The following MEIS2 variants were observed in gnomAD, a reference collection of about 807,000 sequenced individuals.
MEIS2 encodes homeobox protein Meis2.
Under a neutral mutation model 58.6 loss-of-function variants are expected in MEIS2, and 9 were observed. The observed-to-expected ratio is 0.15, with a 90% CI of 0.09 to 0.27. The LOEUF is 0.27. Ranked by LOEUF, MEIS2 falls within the 10% of genes least tolerant of loss-of-function variation. MEIS2 has a pLI of 1.00. For missense variants in MEIS2, 427 were observed against 635.0 expected, an observed-to-expected ratio of 0.67 and a Z score of 3.52; for synonymous variants, 221 against 228.4, an observed-to-expected ratio of 0.97 and a Z score of 0.29.
At chr15:37,096,453 GAC>G (rs749061478) in intron 2 of MEIS2, 23 bp from the exon 3 acceptor site, 9 of 1,609,134 alleles carry the variant, frequency 5.6e-6, no homozygotes, top group East Asian at 2.2e-5. Context: ...GCCACGCAGA[GAC>G]ACACACACAG....
At chr15:37,095,935 G>T in intron 3 of MEIS2, 1 of 451,246 alleles carries the variant, frequency 2.2e-6, no homozygotes, top group Non-Finnish European at 4.0e-6. Context: ...TCGGAGAGGC[G>T]CCCAGCTTCC....
At chr15:36,893,469 T>TA (rs2055995615) in intron 11 of MEIS2, among the ~76,000 whole-genome samples, 1 of 152,230 alleles carries the variant, frequency 6.6e-6, no homozygotes, top group South Asian at 2.1e-4. Flanking sequence ...ACAGCCTGCA[T>TA]AGTCCCAGCT....
At chr15:36,919,713 G>T (rs1027057204) in intron 9 of MEIS2, among the ~76,000 whole-genome samples, 3 of 152,146 alleles carry the variant, frequency 2.0e-5, no homozygotes, top group Non-Finnish European at 4.4e-5. Flanking sequence ...AAACATTGGA[G>T]GATGAACATT....
At chr15:37,063,687 T>C (rs1012738979) in intron 7 of MEIS2, among the ~76,000 whole-genome samples, 1 of 152,196 alleles carries the variant, frequency 6.6e-6, no homozygotes, top group Non-Finnish European at 1.5e-5. Context: ...TGTCTATCAA[T>C]GGTAATAATC....
At position 37,093,681 on chromosome 15, in the gene MEIS2, T is replaced by C; in HGVS notation, c.539A>G (p.Lys180Arg). 1 of 1,614,154 alleles carries C rather than the reference T, an allele frequency of 6.2e-7. No homozygotes were observed. Among genetic ancestry groups the C allele is most frequent in the Non-Finnish European group, 8.5e-7 (1 of 1,180,022 alleles). ...NFCHRYISCL[K>R]GKMPIDLVID... ...GACGAGGTCGATGGGCATTTTCCCC[T>C]TCAAACAGCTAATGTATCGGTGGCA... The change falls in exon 6 of 12, where the codon AAG becomes AGG. Residue 180 changes from lysine (K) to arginine (R), a missense_variant. Physicochemically the swap from Lys to Arg is conservative, Grantham distance 26. Around this residue, in one of 6 missense-constraint regions of MEIS2, gnomAD observed 138 missense variants for 263.0 expected, o/e 0.52. Coordinates refer to ENST00000561208, the MANE Select transcript of MEIS2 (RefSeq NM_170675.5).
chr15:37,063,147 G>A (rs1016863939), intron 7 of MEIS2, among the ~76,000 whole-genome samples: 10 of 152,172 alleles, frequency 6.6e-5, no homozygotes, highest in Admixed American at 4.6e-4. Context: ...TTCAGAATGA[G>A]GGAACATCTC....
At chr15:36,903,493 T>C (rs1432773156) in intron 9 of MEIS2, among the ~76,000 whole-genome samples, 1 of 152,208 alleles carries the variant, frequency 6.6e-6, no homozygotes, top group East Asian at 1.9e-4. Flanking sequence ...ACTACTGACA[T>C]TAAAATTCCA....
At chr15:37,046,819 G>A (rs1840193034) in intron 7 of MEIS2, among the ~76,000 whole-genome samples, 1 of 120,494 alleles carries the variant, frequency 8.3e-6, no homozygotes, top group Non-Finnish European at 1.7e-5. Flanking sequence ...ACTAAATGTG[G>A]TTATTCTCGT....
At chr15:36,897,295 C>T (rs978491020) in intron 9 of MEIS2, 10 of 152,854 alleles carry the variant, frequency 6.5e-5, no homozygotes, top group African/African-American at 2.4e-4. Context: ...TAAGCTGGGA[C>T]ACCCAGGGCA....
chr15:37,018,129 C>T (rs1391171200), intron 8 of MEIS2, among the ~76,000 whole-genome samples: 1 of 152,132 alleles, frequency 6.6e-6, no homozygotes, highest in Non-Finnish European at 1.5e-5. Flanking sequence ...TGCAAGACAG[C>T]TCAGCTAATA....
chr15:37,032,516 C>G (rs1567205691), intron 8 of MEIS2, among the ~76,000 whole-genome samples: 1 of 152,156 alleles, frequency 6.6e-6, no homozygotes, highest in Admixed American at 6.5e-5. Flanking sequence ...GAATGTACTT[C>G]TCTAGGATTT....
intron 10 of MEIS2, 148 bp downstream of exon 10, chr15:36,896,480 C>T (rs1480698105): frequency 3.7e-6 from 2 of 536,246 alleles, no homozygotes; most frequent in African/African-American, 1.9e-5. Context: ...GAAGTTGCTT[C>T]CTTGAGTGGG....
At chr15:37,061,123 T>C (rs1596043396) in intron 7 of MEIS2, among the ~76,000 whole-genome samples, 1 of 152,184 alleles carries the variant, frequency 6.6e-6, no homozygotes, top group Non-Finnish European at 1.5e-5. Flanking sequence ...CATCCTGTGG[T>C]ATTACCTTAC....
chr15:36,923,878 C>T (rs1405198768), intron 9 of MEIS2, among the ~76,000 whole-genome samples: 1 of 152,130 alleles, frequency 6.6e-6, no homozygotes, highest in Non-Finnish European at 1.5e-5. Flanking sequence ...ACAGGTTTGG[C>T]TGAAACATCT....
chr15:37,077,252 T>G (rs1465720557), intron 7 of MEIS2, among the ~76,000 whole-genome samples: 2 of 152,052 alleles, frequency 1.3e-5, no homozygotes, highest in East Asian at 3.9e-4. Flanking sequence ...TCAGCTTGTT[T>G]ATGAGGAGGG....
chr15:37,022,324 T>C (rs2061552263), intron 8 of MEIS2, among the ~76,000 whole-genome samples: 2 of 152,222 alleles, frequency 1.3e-5, no homozygotes, highest in African/African-American at 4.8e-5. Flanking sequence ...CTCTTGTTGT[T>C]GATTTTTAAA....
intron 9 of MEIS2, among the ~76,000 whole-genome samples, chr15:36,909,798 A>G (rs2056915963): frequency 7.3e-6 from 1 of 136,478 alleles, no homozygotes; most frequent in East Asian, 2.6e-4. Flanking sequence ...CAGTTGACTC[A>G]AGTGGAGAGG....
At chr15:37,002,464 T>A (rs1477511599) in intron 8 of MEIS2, among the ~76,000 whole-genome samples, 1 of 152,184 alleles carries the variant, frequency 6.6e-6, no homozygotes, top group Non-Finnish European at 1.5e-5. Context: ...CTCCTACATG[T>A]GTTTAAATTT....
rs1595980472 is a variant in MEIS2, at chr15:37,036,601, A to G, written c.900+213T>C. The G allele has an allele frequency of 6.5e-6, 3 of 461,676 alleles. No individual in the cohort carries two copies. In the East Asian group the frequency reaches 1.1e-4, roughly 17 times the overall value. The allele number at this position is 461,676 out of a possible 1,614,324, so 28.6% of individuals were successfully genotyped here. On this transcript the variant is annotated intron_variant, in intron 8 of 11. Transcript: ENST00000561208. ...ATCATTTTAAATAAAGTCCATTCCC[A>G]GCTTCTTAAAACAAAAACCTGCTAC...
Sources: allele counts gnomAD v4.1 joint callset (sites outside exome capture counted in the v4.1 genomes callset), GRCh38; gene constraint gnomAD v4.1.1; regional missense constraint gnomAD v4.1.1; transcripts MANE v1.5; gene names NCBI Gene and HGNC (gene_info 2026-07-23, HGNC 2026-07-21).